Variants in TENM3 observed in about 807,000 individuals in gnomAD.
TENM3 encodes the protein teneurin-3.
A neutral mutation model predicts 255.1 loss-of-function variants in TENM3; 63 were observed. The ratio of observed to expected loss-of-function variants is 0.25; its 90% CI spans 0.20 to 0.30. The LOEUF (loss-of-function observed/expected upper bound fraction) is 0.30, where lower values mean the gene tolerates loss of function less well. Ranked by LOEUF, TENM3 falls within the 10% of genes least tolerant of loss-of-function variation. The probability of loss-of-function intolerance (pLI) is 1.00; values close to 1 mark genes in which losing one functional copy is unlikely to be tolerated. For missense variants in TENM3, 2,929 were observed against 3,461.1 expected, an observed-to-expected ratio of 0.85 and a Z score of 3.86; for synonymous variants, 1,306 against 1,322.3, an observed-to-expected ratio of 0.99 and a Z score of 0.27.
the TENM3 span, among the ~76,000 whole-genome samples, chr4:181,854,021 C>T: frequency 6.6e-6 from 1 of 152,212 alleles, no homozygotes; most frequent in African/African-American, 2.4e-5. Context: ...AAGTATAACA[C>T]AACCAGTTGG....
chr4:182,153,212 G>C (rs1292817165), intron 1 of TENM3, among the ~76,000 whole-genome samples: 3 of 151,884 alleles, frequency 2.0e-5, no homozygotes, highest in African/African-American at 7.3e-5. Flanking sequence ...TAATTCTGGT[G>C]TTCTAAAAAT....
At chr4:181,987,063 A>G in the TENM3 span, among the ~76,000 whole-genome samples, 1 of 151,922 alleles carries the variant, frequency 6.6e-6, no homozygotes, top group African/African-American at 2.4e-5. Flanking sequence ...TTCAAAACCA[A>G]CCCGTCCCAA....
rs766727299 is a variant in TENM3 at position 182,346,699 on chromosome 4, G to C, written c.281G>C (p.Arg94Pro). 1.9e-6 allele frequency: 3 copies of C among 1,613,648 alleles called. No individual in the cohort carries two copies. The highest frequency in any genetic ancestry group is 1.7e-5 in the Admixed American group (1 of 59,994). Residue 94 changes from arginine (R) to proline (P), a missense_variant, in exon 3 of 28, where the codon CGA becomes CCA. Transcript: ENST00000511685. ...TTAGGAGTTTGTGAACCAGCAACTC[G>C]AAGAGGACTGGCATTTTGTGCGGAA... is the stretch of plus-strand genomic sequence containing the variant. ...RQLGVCEPAT[R>P]RGLAFCAEMG...
At chr4:181,456,842 C>G in the TENM3 span, among the ~76,000 whole-genome samples, 1 of 149,050 alleles carries the variant, frequency 6.7e-6, no homozygotes, top group African/African-American at 2.5e-5. Context: ...TGCAAGTCTA[C>G]ATTCTCTAAC....
chr4:182,256,324 G>A (rs980168760), intron 1 of TENM3, among the ~76,000 whole-genome samples: 1 of 152,192 alleles, frequency 6.6e-6, no homozygotes, highest in Non-Finnish European at 1.5e-5. Context: ...TAAGGTGTGA[G>A]TGGCAGATGA....
chr4:182,285,293 G>C (rs1036649945), intron 1 of TENM3, among the ~76,000 whole-genome samples: 10 of 151,970 alleles, frequency 6.6e-5, no homozygotes, highest in African/African-American at 2.4e-4. Context: ...ATGCTAGATA[G>C]AATATGGTAT....
At chr4:181,653,678 C>A in the TENM3 span, among the ~76,000 whole-genome samples, 1 of 148,310 alleles carries the variant, frequency 6.7e-6, no homozygotes, top group Non-Finnish European at 1.5e-5. Flanking sequence ...GGATTACAGG[C>A]GTGCATGAGC....
the TENM3 span, among the ~76,000 whole-genome samples, chr4:181,513,081 A>T: frequency 6.6e-6 from 1 of 152,214 alleles, no homozygotes; most frequent in Non-Finnish European, 1.5e-5. Context: ...AAAGGAGGAC[A>T]TTCCCGTGGT....
rs191465008 is a variant in TENM3, at chr4:182,802,136, G to T, written c.*1785G>T. 3 of 152,612 alleles carry T rather than the reference G, an allele frequency of 2.0e-5. No individual in the cohort carries two copies. The highest frequency in any genetic ancestry group is 2.9e-5 in the Non-Finnish European group (2 of 68,036). 9.5% of individuals were successfully genotyped at this position (152,612 alleles called of 1,614,324 possible). A position where few individuals can be genotyped will look rare whatever the true frequency, so the allele number is the denominator to read the frequency against. On this transcript the variant is annotated 3_prime_UTR_variant, in exon 28 of 28. Transcript: ENST00000511685. ...GGCGTGTTTATTAAACAGATGATTGGCTGGGAAAGTTTCAAAATAGCTACT... is the reference window on the plus strand; with the variant it reads ...GGCGTGTTTATTAAACAGATGATTGTCTGGGAAAGTTTCAAAATAGCTACT...
the TENM3 span, among the ~76,000 whole-genome samples, chr4:181,657,060 G>A: frequency 1.4e-4 from 21 of 152,346 alleles, 1 homozygote; most frequent in South Asian, 3.9e-3. Context: ...TGGCCTGTGC[G>A]CGTAGTAAAA....
the TENM3 span, among the ~76,000 whole-genome samples, chr4:181,717,851 G>A: frequency 5.1e-4 from 78 of 152,206 alleles, no homozygotes; most frequent in South Asian, 2.1e-4. Flanking sequence ...GGGGAGTAGA[G>A]ATAATGTATT....
the TENM3 span, among the ~76,000 whole-genome samples, chr4:182,009,366 C>T: frequency 6.6e-6 from 1 of 152,112 alleles, no homozygotes; most frequent in African/African-American, 2.4e-5. Context: ...TGCTGCCACC[C>T]CTCCCCCTAG....
chr4:182,650,889 A>AAAAAAAATATATAT (rs1281790163), intron 5 of TENM3, among the ~76,000 whole-genome samples: 32 of 29,730 alleles, frequency 1.1e-3, no homozygotes, highest in South Asian at 1.8e-3. Context: ...AATAAAAAAA[A>AAAAAAAATATATAT]ATATATATAT....
At chr4:181,708,776 T>C in the TENM3 span, among the ~76,000 whole-genome samples, 1 of 152,182 alleles carries the variant, frequency 6.6e-6, no homozygotes, top group African/African-American at 2.4e-5. Flanking sequence ...GTGATTCTAA[T>C]GTGTAGCCAT....
chr4:182,641,955 A>G (rs1452784581), intron 5 of TENM3, among the ~76,000 whole-genome samples: 9 of 152,254 alleles, frequency 5.9e-5, no homozygotes. Flanking sequence ...GTAACTCACT[A>G]ATGAATCATC....
the TENM3 span, among the ~76,000 whole-genome samples, chr4:181,943,628 G>A: frequency 6.6e-6 from 1 of 152,112 alleles, no homozygotes; most frequent in African/African-American, 2.4e-5. Flanking sequence ...AACAGATTCT[G>A]GGAATTGCTT....
the TENM3 span, among the ~76,000 whole-genome samples, chr4:181,637,043 C>A: frequency 6.6e-6 from 1 of 152,124 alleles, no homozygotes; most frequent in East Asian, 1.9e-4. Context: ...AAGGCTTTCC[C>A]GCTAGATACC....
the TENM3 span, among the ~76,000 whole-genome samples, chr4:182,051,775 G>T: frequency 6.6e-6 from 1 of 152,162 alleles, no homozygotes; most frequent in Admixed American, 6.5e-5. Flanking sequence ...TAGCAAGGTT[G>T]CCCTGTATAA....
the TENM3 span, among the ~76,000 whole-genome samples, chr4:182,040,471 C>T: frequency 6.8e-4 from 103 of 152,252 alleles, no homozygotes; most frequent in African/African-American, 2.3e-3. Flanking sequence ...CAGTTAGTGG[C>T]TTACACAGAG....
Sources: gnomAD v4.1 joint callset for allele counts (sites outside exome capture counted in the v4.1 genomes callset) on GRCh38, gnomAD v4.1.1 for gene constraint, MANE v1.5 for transcripts, NCBI Gene and HGNC (gene_info 2026-07-23, HGNC 2026-07-21) for gene names.